ZNF487: variants seen among roughly 807,000 people sequenced by gnomAD.
ZNF487 encodes zinc finger protein 487.
ZNF487 carries 4 observed loss-of-function variants against 3.0 expected under a neutral mutation model. The ratio of observed to expected loss-of-function variants is 1.35; its 90% CI spans 0.66 to 3.08. The LOEUF (loss-of-function observed/expected upper bound fraction) is 3.08. ZNF487 is among the 30% of genes most tolerant of loss of function. The probability of loss-of-function intolerance (pLI) is 0.01; values close to 1 mark genes in which losing one functional copy is unlikely to be tolerated. For synonymous variants in ZNF487, 55 were observed against 34.6 expected (o/e 1.59, Z -2.06); for missense variants, 146 against 98.7 (o/e 1.48, Z -2.03).
intron 1 of ZNF487, among the ~76,000 whole-genome samples, chr10:43,472,696 ATCACTATGC>A (rs1840945727): frequency 6.6e-6 from 1 of 152,098 alleles, no homozygotes; most frequent in African/African-American, 2.4e-5. Flanking sequence ...CAGCCTCTTG[ATCACTATGC>A]TCCAGCTCGA....
At position 43,479,279 on chromosome 10, in the gene ZNF487, T is replaced by C. The variant is rs189797109; in HGVS notation, c.131-2150T>C. The stretch of plus-strand genomic sequence containing the variant: ...TACCTGGCCTACTTTTATTTTTTAA[T>C]TGAATGAAACTCATTCTGTTTTTGC... On this transcript the variant is annotated intron_variant, in intron 3 of 3. Coordinates refer to ENST00000437590, the MANE Select transcript of ZNF487 (RefSeq NM_001355444.3). Among the ~76,000 whole-genome samples the C allele has an allele frequency of 2.2e-3, 336 of 152,178 alleles. 2 individuals carry two copies. The highest frequency in any genetic ancestry group is 7.6e-3 in the African/African-American group (317 of 41,532).
chr10:43,461,858 T>G (rs1328105200), intron 1 of ZNF487, among the ~76,000 whole-genome samples: 1 of 152,182 alleles, frequency 6.6e-6, no homozygotes, highest in East Asian at 1.9e-4. Flanking sequence ...GTCCTAGTTG[T>G]TTGTTTCTAC....
chr10:43,513,772 C>T, the ZNF487 span, among the ~76,000 whole-genome samples: 2 of 152,144 alleles, frequency 1.3e-5, no homozygotes, highest in East Asian at 1.9e-4. Flanking sequence ...ACCCACTGGA[C>T]CCACTGTAAG....
At position 43,457,571 on chromosome 10, in the gene ZNF487, A is replaced by G. The variant is rs867476840; in HGVS notation, c.-93-18150A>G. The stretch of plus-strand genomic sequence containing the variant: ...CTCTGTCTTGGGGAAAAAAAAAAAA[A>G]AAAAAGAAAAAGAAAAGAATTCCTC... On this transcript the variant is annotated intron_variant, in intron 1 of 3. Coordinates refer to ENST00000437590, the MANE Select transcript of ZNF487 (RefSeq NM_001355444.3). Among the ~76,000 whole-genome samples, 17 of 151,056 alleles carry G rather than the reference A, an allele frequency of 1.1e-4. No homozygotes were observed. The South Asian group carries it at 1.7e-3, about 15-fold the overall frequency.
At chr10:43,437,979 C>T (rs536997827) in intron 1 of ZNF487, among the ~76,000 whole-genome samples, 4 of 152,016 alleles carry the variant, frequency 2.6e-5, no homozygotes, top group Non-Finnish European at 4.4e-5. Flanking sequence ...GCTGAACCAC[C>T]GCCTGCCACC....
intron 1 of ZNF487, among the ~76,000 whole-genome samples, chr10:43,450,983 T>C (rs1339941077): frequency 6.6e-6 from 1 of 152,118 alleles, no homozygotes; most frequent in Admixed American, 6.6e-5. Context: ...GTTTCGCTCT[T>C]GTTGCCCAGG....
At chr10:43,492,105 A>G in the ZNF487 span, among the ~76,000 whole-genome samples, 1 of 151,636 alleles carries the variant, frequency 6.6e-6, no homozygotes, top group Admixed American at 6.6e-5. Context: ...TCCCGCCATG[A>G]GCTGCTAATT....
intron 1 of ZNF487, among the ~76,000 whole-genome samples, chr10:43,459,156 C>T (rs1472015299): frequency 6.6e-6 from 1 of 152,104 alleles, no homozygotes; most frequent in Non-Finnish European, 1.5e-5. Context: ...TCTTTTCTGT[C>T]TTGTCCGTGA....
chr10:43,480,033 TTCTTTCTTTC>T (rs1366953358), intron 3 of ZNF487, among the ~76,000 whole-genome samples: 3 of 62,600 alleles, frequency 4.8e-5, no homozygotes, highest in African/African-American at 1.1e-4. Context: ...CTTTCTTTCT[TTCTTTCTTTC>T]TTTTTCTTTC....
chr10:43,446,613 C>T (rs1564412751), intron 1 of ZNF487, among the ~76,000 whole-genome samples: 3 of 147,694 alleles, frequency 2.0e-5, no homozygotes, highest in South Asian at 2.2e-4. Context: ...CGGGCAGGGG[C>T]GCTCCCCACA....
chr10:43,451,296 A>T (rs1337680000), intron 1 of ZNF487, among the ~76,000 whole-genome samples: 1 of 151,376 alleles, frequency 6.6e-6, no homozygotes, highest in Non-Finnish European at 1.5e-5. Context: ...CCCAGTCTGG[A>T]GTGCAATGGT....
At chr10:43,490,091 A>G in the ZNF487 span, among the ~76,000 whole-genome samples, 17 of 152,302 alleles carry the variant, frequency 1.1e-4, no homozygotes, top group South Asian at 2.9e-3. Flanking sequence ...GCTCATGCCT[A>G]TAATCCCAGC....
the ZNF487 span, among the ~76,000 whole-genome samples, chr10:43,518,771 G>T: frequency 5.2e-4 from 79 of 152,198 alleles, no homozygotes; most frequent in Non-Finnish European, 9.4e-4. Context: ...CTCTCTTACA[G>T]CAATTCTCTC....
chr10:43,476,336 A>C, intron 3 of ZNF487, 134 bp downstream of exon 3: 1 of 598,476 alleles, frequency 1.7e-6, no homozygotes, highest in Non-Finnish European at 3.0e-6. Context: ...GAAGTGACTA[A>C]GAAGAGTTGG....
chr10:43,504,175 G>A, the ZNF487 span, among the ~76,000 whole-genome samples: 2 of 151,782 alleles, frequency 1.3e-5, no homozygotes, highest in African/African-American at 2.4e-5. Context: ...ATTGATTATT[G>A]ATAATGAAGG....
At chr10:43,438,729 C>T (rs1384418543) in intron 1 of ZNF487, among the ~76,000 whole-genome samples, 1 of 152,062 alleles carries the variant, frequency 6.6e-6, no homozygotes, top group Non-Finnish European at 1.5e-5. Flanking sequence ...CCCCAGTGTC[C>T]ATTGATAGAT....
rs1444071057 is a variant in ZNF487, at chr10:43,481,654, A to G, written c.356A>G (p.Asn119Ser). The change falls in exon 4 of 4, where the codon AAT becomes AGT. Residue 119 changes from asparagine (N) to serine (S), a missense_variant. Physicochemically the swap from Asn to Ser is conservative, Grantham distance 46. Transcript: ENST00000437590. ...AATATTTCAGAATTAATTATTAGTAATAGAAGCTCCTTTGTAAGGAACCCT... is the reference window on the plus strand; with the variant it reads ...AATATTTCAGAATTAATTATTAGTAGTAGAAGCTCCTTTGTAAGGAACCCT... ...LNNISELIISNRSSFVRNPAE... is the reference protein window; with the variant it reads ...LNNISELIISSRSSFVRNPAE... 1.8e-5 allele frequency: 12 copies of G among 684,692 alleles called. No homozygotes were observed. In the Admixed American group the frequency reaches 2.8e-4, roughly 16 times the overall value. The allele number at this position is 684,692 out of a possible 1,614,324, so 42.4% of individuals were successfully genotyped here.
At chr10:43,479,866 G>A (rs1841245117) in intron 3 of ZNF487, among the ~76,000 whole-genome samples, 1 of 151,992 alleles carries the variant, frequency 6.6e-6, no homozygotes. Flanking sequence ...GTGTTGGCAA[G>A]GCTGGTTTCA....
At chr10:43,499,895 T>G in the ZNF487 span, among the ~76,000 whole-genome samples, 303 of 152,278 alleles carry the variant, frequency 2.0e-3, 1 homozygote, top group African/African-American at 6.9e-3. Context: ...TTTATTTTAT[T>G]TTATTTTTGA....
Sources: allele counts gnomAD v4.1 joint callset (sites outside exome capture counted in the v4.1 genomes callset), GRCh38; gene constraint gnomAD v4.1.1; transcripts MANE v1.5; gene names NCBI Gene and HGNC (gene_info 2026-07-23, HGNC 2026-07-21).